Variants in ZFAT observed in about 807,000 individuals in gnomAD.
The protein encoded by ZFAT is zinc finger protein ZFAT.
Under a neutral mutation model 117.7 loss-of-function variants are expected in ZFAT, and 64 were observed. The observed-to-expected ratio is 0.54, with a 90% confidence interval of 0.44 to 0.67. ZFAT has a LOEUF of 0.67. Ranked by LOEUF, ZFAT falls within the 30% of genes least tolerant of loss-of-function variation. The pLI, the probability that ZFAT is intolerant of heterozygous loss-of-function variation, is 0.00. For synonymous variants in ZFAT, 679 were observed against 615.0 expected (o/e 1.10, Z -1.54); for missense variants, 1,433 against 1,584.5 (o/e 0.90, Z 1.62).
intron 15 of ZFAT, among the ~76,000 whole-genome samples, chr8:134,506,331 G>T (rs1563785878): frequency 6.6e-6 from 1 of 152,210 alleles, no homozygotes; most frequent in Non-Finnish European, 1.5e-5. Context: ...GCTGGAGTGG[G>T]GCACGCAAGC....
the ZFAT span, among the ~76,000 whole-genome samples, chr8:134,824,005 A>G: frequency 6.6e-6 from 1 of 152,254 alleles, no homozygotes; most frequent in Non-Finnish European, 1.5e-5. Flanking sequence ...TTCTAAATGC[A>G]ATAATTCAAC....
chr8:134,510,796 ACAAAGCCCTAC>A (rs1375913912), intron 14 of ZFAT: 1 of 152,554 alleles, frequency 6.6e-6, no homozygotes, highest in African/African-American at 2.4e-5. Context: ...AAGAATAAAG[ACAAAGCCCTAC>A]CCCTTCCCCC....
At chr8:134,793,649 C>T in the ZFAT span, 1 of 152,372 alleles carries the variant, frequency 6.6e-6, no homozygotes, top group Non-Finnish European at 1.5e-5. Flanking sequence ...GAGCTTGGGC[C>T]CTAGTGCTAG....
At chr8:134,492,190 C>A (rs952954041) in intron 15 of ZFAT, among the ~76,000 whole-genome samples, 2 of 152,110 alleles carry the variant, frequency 1.3e-5, no homozygotes, top group African/African-American at 4.8e-5. Flanking sequence ...GGAAGAGCTG[C>A]CCTGCTGTTG....
chr8:134,825,595 T>C, the ZFAT span, among the ~76,000 whole-genome samples: 4 of 152,326 alleles, frequency 2.6e-5, no homozygotes, highest in South Asian at 6.2e-4. Context: ...ACTCACAGAA[T>C]ACGGCTGAAG....
At position 134,580,423 on chromosome 8, in the gene ZFAT, C is replaced by G. The variant is rs544725185; in HGVS notation, c.2887+3409G>C. On this transcript the variant is annotated intron_variant, in intron 10 of 15. Coordinates refer to ENST00000377838, the MANE Select transcript of ZFAT (RefSeq NM_020863.4). ...GAGCCTCATCAAGACAACCAAGGCA[C>G]CTGCACAAGCACAGGTGACCAATGG... is the stretch of plus-strand genomic sequence containing the variant. Among the ~76,000 whole-genome samples, 3 of 152,314 alleles carry G rather than the reference C, an allele frequency of 2.0e-5. No homozygotes were observed. The South Asian group carries it at 6.2e-4, about 32-fold the overall frequency.
At chr8:134,816,536 A>C in the ZFAT span, among the ~76,000 whole-genome samples, 1 of 152,192 alleles carries the variant, frequency 6.6e-6, no homozygotes, top group Admixed American at 6.5e-5. Context: ...TCTTTAAAAA[A>C]TTCGTATTTT....
chr8:134,790,616 T>G, the ZFAT span, among the ~76,000 whole-genome samples: 18 of 152,216 alleles, frequency 1.2e-4, no homozygotes, highest in Non-Finnish European at 2.2e-4. Context: ...CCTTCTGTTT[T>G]CTCCTTAAAC....
intron 4 of ZFAT, among the ~76,000 whole-genome samples, 172 bp downstream of exon 4, chr8:134,610,298 C>T (rs1828231441): frequency 6.6e-6 from 1 of 152,196 alleles, no homozygotes; most frequent in Non-Finnish European, 1.5e-5. Context: ...ATCCATTAAC[C>T]ACAACACCTG....
At chr8:134,581,963 C>T (rs1425118335) in intron 10 of ZFAT, among the ~76,000 whole-genome samples, 1 of 152,176 alleles carries the variant, frequency 6.6e-6, no homozygotes, top group African/African-American at 2.4e-5. Context: ...CTCACCCTCC[C>T]AAAAATGTCA....
At chr8:134,564,967 T>C in intron 11 of ZFAT, 1 of 1,233,326 alleles carries the variant, frequency 8.1e-7, no homozygotes, top group Non-Finnish European at 1.0e-6. Context: ...TCATCACACC[T>C]GCTTTATCGG....
intron 15 of ZFAT, among the ~76,000 whole-genome samples, chr8:134,483,074 AC>A (rs1817431050): frequency 2.6e-5 from 4 of 151,998 alleles, no homozygotes; most frequent in African/African-American, 7.3e-5. Context: ...TGCAGAGTGC[AC>A]CCCCTTTGTG....
Position 134,588,276 on chromosome 8 carries a change from C to A in ZFAT, c.2683G>T (p.Asp895Tyr). 6.4e-7 allele frequency: 1 copy of A among 1,573,344 alleles called. No homozygotes were observed. Among genetic ancestry groups the A allele is most frequent in the Non-Finnish European group, 8.6e-7 (1 of 1,157,678 alleles). The part of the protein sequence containing the change: ...CDFYFMKNGS[D>Y]LQRHIWAHEG... ...TGAGCCCAAATATGACGCTGAAGGTCTGAGCCATTCTTCATGAAATAAAAG... is the reference window on the plus strand; with the variant it reads ...TGAGCCCAAATATGACGCTGAAGGTATGAGCCATTCTTCATGAAATAAAAG... The change falls in exon 9 of 16, where the codon GAC becomes TAC. Residue 895 changes from aspartate to tyrosine, a missense_variant. Transcript: ENST00000377838.
Position 134,610,668 on chromosome 8 carries a change from T to C in ZFAT, c.449-13A>G, listed in dbSNP as rs766926647. Reference sequence around the variant, plus strand: ...TCAGACTCGTTACCTAAGGAGCAAATACCAAGATGCATAAGGTATCCTTTT... The same window carrying C: ...TCAGACTCGTTACCTAAGGAGCAAACACCAAGATGCATAAGGTATCCTTTT... On this transcript the variant is annotated splice_polypyrimidine_tract_variant and intron_variant, in intron 3 of 15. Coordinates refer to ENST00000377838, the MANE Select transcript of ZFAT (RefSeq NM_020863.4). The C allele has an allele frequency of 1.4e-5, 23 of 1,613,408 alleles. No individual in the cohort carries two copies. Among genetic ancestry groups the C allele is most frequent in the Non-Finnish European group, 1.9e-5 (23 of 1,179,828 alleles).
At chr8:134,540,935 C>G (rs1822204685) in intron 11 of ZFAT, among the ~76,000 whole-genome samples, 1 of 152,120 alleles carries the variant, frequency 6.6e-6, no homozygotes, top group South Asian at 2.1e-4. Context: ...TTTTTAGGCT[C>G]ATGAAAATGT....
At chr8:134,497,929 T>A (rs1400916149) in intron 15 of ZFAT, among the ~76,000 whole-genome samples, 14 of 109,630 alleles carry the variant, frequency 1.3e-4, no homozygotes, top group South Asian at 6.8e-4. Flanking sequence ...GTGATGCCCC[T>A]GCTGCTGGTT....
intron 11 of ZFAT, among the ~76,000 whole-genome samples, chr8:134,550,908 T>G (rs1426786786): frequency 2.0e-5 from 3 of 152,066 alleles, no homozygotes; most frequent in Admixed American, 2.0e-4. Context: ...CTCATTTTCT[T>G]GCAAATTTGG....
chr8:134,702,140 G>C (rs1389714293), intron 1 of ZFAT, among the ~76,000 whole-genome samples: 1 of 152,184 alleles, frequency 6.6e-6, no homozygotes, highest in African/African-American at 2.4e-5. Context: ...GCCCTCACCA[G>C]ATGCAGCCCC....
intron 1 of ZFAT, among the ~76,000 whole-genome samples, chr8:134,704,512 C>G (rs761084637): frequency 6.6e-6 from 1 of 152,230 alleles, no homozygotes; most frequent in Non-Finnish European, 1.5e-5. Context: ...CTCATCCCTA[C>G]AGCCTGGACT....
Sources: allele counts gnomAD v4.1 joint callset (sites outside exome capture counted in the v4.1 genomes callset), GRCh38; gene constraint gnomAD v4.1.1; transcripts MANE v1.5; gene names NCBI Gene and HGNC (gene_info 2026-07-23, HGNC 2026-07-21).